CNTNAP2: variants seen among roughly 807,000 people sequenced by gnomAD.
CNTNAP2 encodes the protein contactin associated protein 2.
CNTNAP2 carries 98 observed loss-of-function variants against 155.2 expected under a neutral mutation model. That is an observed-to-expected ratio of 0.63 (90% CI 0.54 to 0.75). CNTNAP2 has a LOEUF of 0.75. Ranked by LOEUF, CNTNAP2 falls within the 30% of genes least tolerant of loss-of-function variation. The pLI, the probability that CNTNAP2 is intolerant of heterozygous loss-of-function variation, is 0.00. For synonymous variants in CNTNAP2, 651 were observed against 631.2 expected, an observed-to-expected ratio of 1.03 and a Z score of -0.47; for missense variants, 1,727 against 1,688.1, an observed-to-expected ratio of 1.02 and a Z score of -0.40.
At position 147,907,395 on chromosome 7, in the gene CNTNAP2, TC is replaced by T. The variant is rs1281070553; in HGVS notation, c.2255+3677del. ...TAATAAATAGCTCTTAAAATGGTCT[TC>T]CCTTTTTAGCACAAGAAAGAATGCT... On this transcript the variant is annotated intron_variant, in intron 14 of 23. Coordinates refer to ENST00000361727, the MANE Select transcript of CNTNAP2 (RefSeq NM_014141.6). 2.0e-5 allele frequency among the ~76,000 whole-genome samples: 3 copies of T among 152,196 alleles called. No individual in the cohort carries two copies. The South Asian group carries it at 6.2e-4, about 31-fold the overall frequency.
intron 3 of CNTNAP2, among the ~76,000 whole-genome samples, chr7:147,036,547 C>T (rs1018158634): frequency 6.6e-6 from 1 of 152,086 alleles, no homozygotes; most frequent in African/African-American, 2.4e-5. Flanking sequence ...TATATGCTAT[C>T]TTAATTATAA....
In CNTNAP2 at chr7:148,376,216, T is replaced by C. The variant is rs1213645358; in HGVS notation, c.3476-7433T>C. ...TTATCAGTCCTTAGAAAAAGATTTA[T>C]GAGTTAAAATGCAGCAGAGGCCAGG... On this transcript the variant is annotated intron_variant, in intron 21 of 23. Coordinates refer to ENST00000361727, the MANE Select transcript of CNTNAP2 (RefSeq NM_014141.6). Among the ~76,000 whole-genome samples, 6 of 66,232 alleles carry C rather than the reference T, an allele frequency of 9.1e-5. 3 individuals carry two copies. The highest frequency in any genetic ancestry group is 8.7e-4 in the South Asian group (2 of 2,310). 43.5% of individuals were successfully genotyped at this position (66,232 alleles called of 152,430 possible).
intron 13 of CNTNAP2, 38 bp downstream of exon 13, chr7:147,639,344 T>G: frequency 1.3e-6 from 2 of 1,591,476 alleles, no homozygotes; most frequent in East Asian, 2.3e-5. Context: ...AATCACTATC[T>G]CAGCTGGTGC....
At position 146,624,762 on chromosome 7, in the gene CNTNAP2, G is replaced by C. The variant is rs550407551; in HGVS notation, c.98-149509G>C. Among the ~76,000 whole-genome samples the C allele has an allele frequency of 3.3e-5, 5 of 152,068 alleles. No individual in the cohort carries two copies. In the South Asian group the frequency reaches 1.0e-3, roughly 32 times the overall value. On this transcript the variant is annotated intron_variant, in intron 1 of 23. Coordinates refer to ENST00000361727, the MANE Select transcript of CNTNAP2 (RefSeq NM_014141.6). ...ATGGTTTGTTAATATCAGTAAGATA[G>C]CTTGCTGAGAGTTTGATTGGGATTG...
At chr7:146,245,130 C>T (rs1252152047) in intron 1 of CNTNAP2, among the ~76,000 whole-genome samples, 4 of 151,912 alleles carry the variant, frequency 2.6e-5, no homozygotes, top group Non-Finnish European at 4.4e-5. Flanking sequence ...GGTGGAACTG[C>T]CATCAATAAA....
At chr7:146,230,756 C>T (rs554514347) in intron 1 of CNTNAP2, among the ~76,000 whole-genome samples, 67 of 152,260 alleles carry the variant, frequency 4.4e-4, no homozygotes, top group African/African-American at 1.4e-3. Flanking sequence ...TGGCTCATGC[C>T]TGTAATCCCA....
chr7:146,502,163 A>G (rs984295132), intron 1 of CNTNAP2, among the ~76,000 whole-genome samples: 2 of 146,300 alleles, frequency 1.4e-5, no homozygotes, highest in African/African-American at 5.2e-5. Context: ...AGTGGCTGCA[A>G]ATAACAGGAT....
chr7:147,354,930 C>T (rs1419110254), intron 9 of CNTNAP2, among the ~76,000 whole-genome samples: 1 of 152,050 alleles, frequency 6.6e-6, no homozygotes. Context: ...TGATTTGGCT[C>T]TCTGATTGTC....
intron 1 of CNTNAP2, among the ~76,000 whole-genome samples, chr7:146,369,327 G>C (rs1446852708): frequency 6.6e-6 from 1 of 151,892 alleles, no homozygotes; most frequent in Admixed American, 6.6e-5. Flanking sequence ...CTTTTTGATG[G>C]ACATTTAGGA....
At chr7:146,162,132 C>A (rs1798233054) in intron 1 of CNTNAP2, among the ~76,000 whole-genome samples, 1 of 152,132 alleles carries the variant, frequency 6.6e-6, no homozygotes, top group Non-Finnish European at 1.5e-5. Context: ...ACACCAAAAG[C>A]AATGGCAACA....
At chr7:146,820,160 G>A (rs10272486) in intron 2 of CNTNAP2, among the ~76,000 whole-genome samples, 6,645 of 152,142 alleles carry the variant, frequency 0.044, 482 homozygotes, top group African/African-American at 0.15. Flanking sequence ...ATTTGGTCAG[G>A]GACCCTAAGA....
At chr7:148,113,186 C>T (rs577050766) in intron 15 of CNTNAP2, among the ~76,000 whole-genome samples, 27 of 152,212 alleles carry the variant, frequency 1.8e-4, no homozygotes, top group African/African-American at 4.8e-4. Flanking sequence ...TCACAGTTCC[C>T]GCAGGCTGTA....
At chr7:148,176,511 A>G (rs1241423758) in intron 18 of CNTNAP2, among the ~76,000 whole-genome samples, 4 of 152,008 alleles carry the variant, frequency 2.6e-5, no homozygotes, top group Admixed American at 6.6e-5. Flanking sequence ...GAGCCACCAC[A>G]CCCAGCCCAG....
chr7:146,599,497 C>A (rs1798913611), intron 1 of CNTNAP2, among the ~76,000 whole-genome samples: 1 of 152,038 alleles, frequency 6.6e-6, no homozygotes, highest in African/African-American at 2.4e-5. Context: ...CACTTTCCTT[C>A]CTCCTTTTAT....
intron 12 of CNTNAP2, among the ~76,000 whole-genome samples, chr7:147,610,152 C>T (rs534951463): frequency 2.8e-4 from 42 of 152,074 alleles, no homozygotes; most frequent in Non-Finnish European, 5.0e-4. Context: ...AATATAAACA[C>T]GGATTTACAA....
chr7:146,386,969 A>C (rs1346021299), intron 1 of CNTNAP2, among the ~76,000 whole-genome samples: 1 of 152,156 alleles, frequency 6.6e-6, no homozygotes, highest in Admixed American at 6.5e-5. Context: ...AGAACTCACC[A>C]AGTGAAGGGA....
At chr7:146,556,910 C>T (rs1798207069) in intron 1 of CNTNAP2, among the ~76,000 whole-genome samples, 1 of 151,946 alleles carries the variant, frequency 6.6e-6, no homozygotes, top group Non-Finnish European at 1.5e-5. Context: ...AGCTTTAGCC[C>T]TGAGGGATAT....
rs560155702 is a variant in CNTNAP2 at position 146,724,393 on chromosome 7, T to C, written c.98-49878T>C. On this transcript the variant is annotated intron_variant, in intron 1 of 23. Transcript: ENST00000361727. ...GTATTTTGAATGAGGATACAAGAGA[T>C]GGCCACATGTGTACATTTGCTAACA... 2.6e-5 allele frequency among the ~76,000 whole-genome samples: 4 copies of C among 152,070 alleles called. No homozygotes were observed. The South Asian group carries it at 8.3e-4, about 32-fold the overall frequency.
chr7:146,287,788 T>G (rs940009007), intron 1 of CNTNAP2, among the ~76,000 whole-genome samples: 7 of 152,206 alleles, frequency 4.6e-5, no homozygotes, highest in Non-Finnish European at 1.0e-4. Context: ...TTCCTGTTAA[T>G]ACAAGAAAGG....
Sources: allele counts gnomAD v4.1 joint callset (sites outside exome capture counted in the v4.1 genomes callset), GRCh38; gene constraint gnomAD v4.1.1; transcripts MANE v1.5; gene names NCBI Gene and HGNC (gene_info 2026-07-23, HGNC 2026-07-21).